Variants in GRIP1 observed in about 807,000 individuals in gnomAD.
The protein encoded by GRIP1 is glutamate receptor-interacting protein 1.
GRIP1 carries 45 observed loss-of-function variants against 129.9 expected under a neutral mutation model. The observed-to-expected ratio is 0.35, with a 90% CI of 0.27 to 0.44. The LOEUF is 0.44. Ranked by LOEUF, GRIP1 falls within the 20% of genes least tolerant of loss-of-function variation. The pLI, the probability that GRIP1 is intolerant of heterozygous loss-of-function variation, is 1.00. For missense variants in GRIP1, 1,196 were observed against 1,396.8 expected (o/e 0.86, Z 2.29); for synonymous variants, 530 against 520.8 (o/e 1.02, Z -0.24).
At chr12:66,554,063 A>C (rs1284421704) in intron 2 of GRIP1, among the ~76,000 whole-genome samples, 1 of 152,180 alleles carries the variant, frequency 6.6e-6, no homozygotes, top group East Asian at 1.9e-4. Context: ...GTGACCTAGT[A>C]AGATACCAGC....
intron 1 of GRIP1, among the ~76,000 whole-genome samples, chr12:66,737,721 T>A (rs532728147): frequency 1.3e-5 from 2 of 152,198 alleles, no homozygotes; most frequent in South Asian, 4.1e-4. Context: ...CACTCATTTT[T>A]TTTTACTCTT....
At chr12:66,737,041 A>G (rs1308536445) in intron 1 of GRIP1, among the ~76,000 whole-genome samples, 1 of 152,096 alleles carries the variant, frequency 6.6e-6, no homozygotes, top group Non-Finnish European at 1.5e-5. Flanking sequence ...AAAAATACTA[A>G]TGTTAGAAGA....
chr12:66,687,086 C>A (rs1031821778), intron 1 of GRIP1, among the ~76,000 whole-genome samples: 1 of 151,956 alleles, frequency 6.6e-6, no homozygotes, highest in Admixed American at 6.6e-5. Context: ...AACAAACAGA[C>A]AAAAACAAAA....
At chr12:66,510,314 C>T (rs1229762005) in intron 7 of GRIP1, among the ~76,000 whole-genome samples, 1 of 152,120 alleles carries the variant, frequency 6.6e-6, no homozygotes, top group Non-Finnish European at 1.5e-5. Context: ...CTACGCATTC[C>T]TGGTTAACTA....
intron 1 of GRIP1, among the ~76,000 whole-genome samples, chr12:66,714,920 C>CAACCA (rs111521755): frequency 1.5e-5 from 1 of 66,090 alleles, no homozygotes; most frequent in Non-Finnish European, 3.2e-5. Context: ...TCCATCCATC[C>CAACCA]ATCCAATCCA....
chr12:66,817,202 G>GCACA (rs57507955), intron 1 of GRIP1, among the ~76,000 whole-genome samples: 9,694 of 135,910 alleles, frequency 0.071, 366 homozygotes, highest in Middle Eastern at 0.1. Context: ...TTTTCAGTAT[G>GCACA]CACACACACA....
At chr12:66,612,969 T>A (rs2064872900) in intron 1 of GRIP1, among the ~76,000 whole-genome samples, 1 of 152,176 alleles carries the variant, frequency 6.6e-6, no homozygotes, top group South Asian at 2.1e-4. Flanking sequence ...CAACAGAGAA[T>A]CAGAACACTG....
At chr12:66,477,663 A>G (rs1416604510) in intron 7 of GRIP1, among the ~76,000 whole-genome samples, 2 of 152,224 alleles carry the variant, frequency 1.3e-5, no homozygotes, top group African/African-American at 4.8e-5. Flanking sequence ...ACAGCATGGT[A>G]CTGGTACCAA....
chr12:66,867,831 C>T (rs141286800), intron 1 of GRIP1, among the ~76,000 whole-genome samples: 329 of 152,152 alleles, frequency 2.2e-3, no homozygotes, highest in African/African-American at 7.3e-3. Context: ...GAGTCATATA[C>T]GACGGGTACT....
intron 1 of GRIP1, chr12:67,065,323 AG>A (rs1456028924): frequency 1.3e-5 from 2 of 152,224 alleles, no homozygotes; most frequent in Admixed American, 1.3e-4. Context: ...TGGGTGACAA[AG>A]TGAGACCCTG....
At chr12:66,840,210 A>T (rs2039690421) in intron 1 of GRIP1, among the ~76,000 whole-genome samples, 1 of 152,190 alleles carries the variant, frequency 6.6e-6, no homozygotes, top group Non-Finnish European at 1.5e-5. Flanking sequence ...TTAAAATAAT[A>T]ATAATAATAG....
intron 1 of GRIP1, among the ~76,000 whole-genome samples, chr12:66,662,340 T>C (rs1441775195): frequency 6.6e-6 from 1 of 152,150 alleles, no homozygotes; most frequent in Non-Finnish European, 1.5e-5. Flanking sequence ...TTCCCCATTC[T>C]ACACTCCTGG....
intron 1 of GRIP1, among the ~76,000 whole-genome samples, chr12:66,964,747 CCA>C (rs2041971685): frequency 6.6e-6 from 1 of 152,130 alleles, no homozygotes; most frequent in African/African-American, 2.4e-5. Context: ...TAACAAATTA[CCA>C]CAGACTGGTG....
At chr12:66,648,385 G>T (rs1231826397) in intron 1 of GRIP1, among the ~76,000 whole-genome samples, 1 of 152,208 alleles carries the variant, frequency 6.6e-6, no homozygotes, top group Non-Finnish European at 1.5e-5. Context: ...ATGATCACGA[G>T]AATATGGCTT....
chr12:66,536,429 TTC>T (rs1326897324), intron 4 of GRIP1, among the ~76,000 whole-genome samples: 1 of 152,188 alleles, frequency 6.6e-6, no homozygotes, highest in East Asian at 1.9e-4. Flanking sequence ...TTACTGCTCA[TTC>T]TGCTATAGCC....
At chr12:66,960,384 A>G (rs760771438) in intron 1 of GRIP1, among the ~76,000 whole-genome samples, 1 of 152,176 alleles carries the variant, frequency 6.6e-6, no homozygotes, top group Non-Finnish European at 1.5e-5. Context: ...GACTAGACAC[A>G]TGGAGTGAAG....
intron 1 of GRIP1, among the ~76,000 whole-genome samples, chr12:66,708,836 C>T (rs973136399): frequency 1.3e-5 from 2 of 151,438 alleles, no homozygotes; most frequent in Admixed American, 6.6e-5. Flanking sequence ...TTTGAATGCC[C>T]TCAAGTAAAT....
chr12:66,582,076 C>T (rs550172265), intron 2 of GRIP1, among the ~76,000 whole-genome samples: 1 of 152,276 alleles, frequency 6.6e-6, no homozygotes, highest in African/African-American at 2.4e-5. Flanking sequence ...TGGGCTTCAA[C>T]CCTGGGATGC....
chr12:66,774,959 C>T (rs1265096413), intron 1 of GRIP1, among the ~76,000 whole-genome samples: 6 of 152,100 alleles, frequency 3.9e-5, no homozygotes, highest in African/African-American at 1.4e-4. Context: ...CTGTCTCTTA[C>T]ACAGAATCAC....
Sources: gnomAD v4.1 joint callset for allele counts (sites outside exome capture counted in the v4.1 genomes callset) on GRCh38, gnomAD v4.1.1 for gene constraint, MANE v1.5 for transcripts, NCBI Gene and HGNC (gene_info 2026-07-23, HGNC 2026-07-21) for gene names.